HAT1: variants seen among roughly 807,000 people sequenced by gnomAD.
HAT1 encodes the protein histone acetyltransferase type B catalytic subunit.
A neutral mutation model predicts 56.6 loss-of-function variants in HAT1; 20 were observed. The observed-to-expected ratio is 0.35, with a 90% CI of 0.25 to 0.51. The LOEUF is 0.51. HAT1 is among the 20% of genes least tolerant of loss of function. The probability of loss-of-function intolerance (pLI) is 0.95; values close to 1 mark genes in which losing one functional copy is unlikely to be tolerated. For synonymous variants in HAT1, 146 were observed against 165.5 expected (o/e 0.88, Z 0.91); for missense variants, 408 against 504.3 (o/e 0.81, Z 1.83).
At position 171,930,711 on chromosome 2, in the gene HAT1, C is replaced by G. The variant is rs553383126; in HGVS notation, c.112+5070C>G. 6.6e-5 allele frequency among the ~76,000 whole-genome samples: 10 copies of G among 152,200 alleles called. No homozygotes were observed. The South Asian group carries it at 1.9e-3, about 28-fold the overall frequency. ...CTCACTATAGCCTTGACTTCCCAGG[C>G]TCAAGCGAACCTCCCACCTCAGCCT... On this transcript the variant is annotated intron_variant, in intron 2 of 10. Transcript: ENST00000264108.
At position 171,953,393 on chromosome 2, in the gene HAT1, G is replaced by A. The variant is rs1367661903; in HGVS notation, c.309+392G>A. ...AAACAAATAGTTTCTAAAAATTAAA[G>A]GTTTGGGCTGGGTGCAGTGGCTTGT... On this transcript the variant is annotated intron_variant, in intron 4 of 10. Coordinates refer to ENST00000264108, the MANE Select transcript of HAT1 (RefSeq NM_003642.4). Among the ~76,000 whole-genome samples, 9 of 151,858 alleles carry A rather than the reference G, an allele frequency of 5.9e-5. No homozygotes were observed. The East Asian group carries it at 1.6e-3, about 26-fold the overall frequency.
At chr2:171,970,117 G>A (rs1186869979) in intron 8 of HAT1, among the ~76,000 whole-genome samples, 5 of 152,092 alleles carry the variant, frequency 3.3e-5, no homozygotes, top group Non-Finnish European at 4.4e-5. Context: ...CTGTGATTGC[G>A]CTATTGCACT....
chr2:171,922,644 G>A, intron 1 of HAT1, 137 bp downstream of exon 1: 2 of 668,636 alleles, frequency 3.0e-6, no homozygotes, highest in Non-Finnish European at 2.2e-6. Flanking sequence ...GGGACCGGAA[G>A]CGCGGAACTC....
At chr2:171,955,914 G>A (rs531558413) in intron 4 of HAT1, among the ~76,000 whole-genome samples, 2 of 150,846 alleles carry the variant, frequency 1.3e-5, no homozygotes, top group African/African-American at 2.4e-5. Flanking sequence ...GCATGGTGGC[G>A]CATGCCTGTA....
At chr2:171,924,139 A>T (rs1686515217) in intron 1 of HAT1, 1 of 151,448 alleles carries the variant, frequency 6.6e-6, no homozygotes, top group Admixed American at 6.6e-5. Flanking sequence ...CCCCTTTTTG[A>T]AGTTTATAGC....
intron 2 of HAT1, among the ~76,000 whole-genome samples, chr2:171,927,386 A>C (rs1686625026): frequency 6.6e-6 from 1 of 152,232 alleles, no homozygotes; most frequent in Non-Finnish European, 1.5e-5. Context: ...TGACATGCAG[A>C]AAATACTTGG....
intron 4 of HAT1, among the ~76,000 whole-genome samples, chr2:171,959,632 G>A (rs892863970): frequency 2.6e-5 from 4 of 152,096 alleles, no homozygotes; most frequent in Non-Finnish European, 4.4e-5. Flanking sequence ...TATTAAAAAC[G>A]ATTGGGTAGG....
chr2:171,950,400 C>G (rs1229096537), intron 3 of HAT1, among the ~76,000 whole-genome samples: 1 of 151,390 alleles, frequency 6.6e-6, no homozygotes, highest in Non-Finnish European at 1.5e-5. Flanking sequence ...AGGCTGGTCC[C>G]GAACTCTGGA....
intron 2 of HAT1, among the ~76,000 whole-genome samples, chr2:171,939,867 T>C (rs965862284): frequency 2.0e-5 from 3 of 151,954 alleles, no homozygotes; most frequent in Non-Finnish European, 4.4e-5. Context: ...TCATGGCTCA[T>C]TGTAGCCTCA....
At position 171,928,066 on chromosome 2, in the gene HAT1, T is replaced by C. The variant is rs998563679; in HGVS notation, c.112+2425T>C. Among the ~76,000 whole-genome samples, 5 of 152,184 alleles carry C rather than the reference T, an allele frequency of 3.3e-5. No homozygotes were observed. In the East Asian group the frequency reaches 7.7e-4, roughly 24 times the overall value. ...CACACCCAGCTGATTTTTGTATTTT[T>C]AGTAGAGACGGTTTCATCATGTTGG... On this transcript the variant is annotated intron_variant, in intron 2 of 10. Coordinates refer to ENST00000264108, the MANE Select transcript of HAT1 (RefSeq NM_003642.4).
chr2:171,977,172 CA>C (rs566609806), intron 9 of HAT1, among the ~76,000 whole-genome samples: 11 of 113,616 alleles, frequency 9.7e-5, no homozygotes, highest in Non-Finnish European at 7.4e-5. Context: ...GACTCCATCT[CA>C]AAAAAAAAAG....
chr2:171,939,485 C>A (rs1171595498), intron 2 of HAT1, among the ~76,000 whole-genome samples: 2 of 152,286 alleles, frequency 1.3e-5, no homozygotes, highest in Non-Finnish European at 2.9e-5. Context: ...CTGAAATGTG[C>A]TGCCCGTGGT....
At position 171,972,214 on chromosome 2, in the gene HAT1, G is replaced by GTT. The variant is rs11319894; in HGVS notation, c.824-3932_824-3931dup. On this transcript the variant is annotated intron_variant, in intron 8 of 10. Coordinates refer to ENST00000264108, the MANE Select transcript of HAT1 (RefSeq NM_003642.4). ...TGCATCTTTCCAGGGTTTTTCTTTT[G>GTT]TTTTTTTTTTTTGTTTGTTTGTTTT... 2.8e-5 allele frequency among the ~76,000 whole-genome samples: 4 copies of GTT among 141,538 alleles called. No homozygotes were observed. In the South Asian group the frequency reaches 6.7e-4, roughly 24 times the overall value. The allele number at this position is 141,538 out of a possible 152,430, so 92.9% of individuals were successfully genotyped here.
At chr2:171,945,987 G>C (rs1687153676) in intron 2 of HAT1, among the ~76,000 whole-genome samples, 1 of 151,994 alleles carries the variant, frequency 6.6e-6, no homozygotes, top group African/African-American at 2.4e-5. Flanking sequence ...TGAATTTTTA[G>C]TAGAGATGGT....
chr2:171,961,330 C>T (rs1216292836), intron 4 of HAT1, among the ~76,000 whole-genome samples: 1 of 152,080 alleles, frequency 6.6e-6, no homozygotes, highest in Non-Finnish European at 1.5e-5. Flanking sequence ...CCTGCCTTTT[C>T]TTGGGGGTAA....
chr2:171,961,742 T>A (rs927625079), intron 4 of HAT1, among the ~76,000 whole-genome samples: 18 of 152,192 alleles, frequency 1.2e-4, no homozygotes, highest in African/African-American at 3.4e-4. Context: ...TAATGCAGTG[T>A]AAATAAACAT....
intron 4 of HAT1, among the ~76,000 whole-genome samples, chr2:171,958,929 T>C (rs1416506250): frequency 6.6e-6 from 1 of 152,224 alleles, no homozygotes; most frequent in Admixed American, 6.5e-5. Context: ...AGATCTGAAG[T>C]AGTTTCATAT....
intron 8 of HAT1, among the ~76,000 whole-genome samples, chr2:171,972,809 T>G (rs141183341): frequency 1.4e-4 from 22 of 152,332 alleles, no homozygotes; most frequent in African/African-American, 5.3e-4. Context: ...TTTCCTCTCT[T>G]TCTTCCTCTT....
At chr2:171,976,423 T>C in intron 9 of HAT1, 115 bp downstream of exon 9, 1 of 501,626 alleles carries the variant, frequency 2.0e-6, no homozygotes. Context: ...GAACTAGCAA[T>C]GGTTAACAGT....
Sources: gnomAD v4.1 joint callset for allele counts (sites outside exome capture counted in the v4.1 genomes callset) on GRCh38, gnomAD v4.1.1 for gene constraint, MANE v1.5 for transcripts, NCBI Gene and HGNC (gene_info 2026-07-23, HGNC 2026-07-21) for gene names.